Variants in POLE observed in about 807,000 individuals in gnomAD.
POLE encodes DNA polymerase epsilon, catalytic subunit, also known as DNA polymerase epsilon catalytic subunit A.
Under a neutral mutation model 279.2 loss-of-function variants are expected in POLE, and 188 were observed. That is an observed-to-expected ratio of 0.67 (90% confidence interval 0.60 to 0.76). The LOEUF (loss-of-function observed/expected upper bound fraction) is 0.76, where lower values mean the gene tolerates loss of function less well. Among genes scored for constraint, POLE ranks in the 30% least tolerant of loss-of-function variants. POLE has a pLI of 0.00. For synonymous variants in POLE, 1,214 were observed against 1,172.5 expected (o/e 1.04, Z -0.72); for missense variants, 2,703 against 3,016.7 (o/e 0.90, Z 2.44).
chr12:132,673,343 C>T (rs1254017854), intron 13 of POLE, 66 bp from the exon 14 acceptor site: 16 of 1,279,842 alleles, frequency 1.3e-5, no homozygotes, highest in Admixed American at 1.7e-5. Flanking sequence ...GTGTGAAGCA[C>T]AGAAAGCAAA....
At position 132,635,909 on chromosome 12, in the gene POLE, G is replaced by A. The variant is rs879254168; in HGVS notation, c.5794C>T (p.Arg1932Cys). Residue 1932 changes from arginine (R) to cysteine (C), a missense_variant, in exon 42 of 49, where the codon CGT (arginine) becomes TGT (cysteine). Physicochemically the swap from Arg to Cys is radical, Grantham distance 180 (BLOSUM62 -3). This residue lies in a region of POLE where 1,551 missense variants were observed against 1,686.1 expected (regional missense o/e 0.92). Coordinates refer to ENST00000320574, the MANE Select transcript of POLE (RefSeq NM_006231.4). Reference sequence around the variant, plus strand: ...TCGCTTACCAGTCCACAGTGAATACGAGATGAAACTTTTCCTTTGATTCCG... The same window carrying A: ...TCGCTTACCAGTCCACAGTGAATACAAGATGAAACTTTTCCTTTGATTCCG... ...YGGIKGKVSS[R>C]IHCGLQDSQK... 16 of 1,613,508 alleles carry A rather than the reference G, an allele frequency of 9.9e-6. No individual in the cohort carries two copies. Among genetic ancestry groups the A allele is most frequent in the Non-Finnish European group, 1.4e-5 (16 of 1,179,716 alleles).
chr12:132,686,976 G>A lies in POLE; in HGVS notation c.62+278C>T, dbSNP rs532938854. On this transcript the variant is annotated intron_variant, in intron 1 of 48. Transcript: ENST00000320574. ...CGGCAGGTCCCAAACGCAGCTGCGC[G>A]GAAGGCGAGGCCCGAAAAACCTCAG... Among the ~76,000 whole-genome samples the A allele has an allele frequency of 7.6e-3, 1,145 of 151,450 alleles. 13 individuals are homozygous for A. The highest frequency in any genetic ancestry group is 0.026 in the African/African-American group (1,091 of 41,360).
chr12:132,632,387 C>T lies in POLE; in HGVS notation c.6258G>A (p.Met2086Ile), dbSNP rs1565926679. The T allele has an allele frequency of 6.2e-7, 1 of 1,614,122 alleles. No homozygotes were observed. The highest frequency in any genetic ancestry group is 8.5e-7 in the Non-Finnish European group (1 of 1,179,962). ...AGTGGGAACCGGGGAGGACAGGAAA[C>T]ATCTCTGAGAGCTCAGTGGAGTTCC... ...GSRNSTELSE[M>I]FPVLPGSHLL... The change falls in exon 45 of 49, where the codon ATG becomes ATA. Residue 2086 changes from methionine to isoleucine, a missense_variant. By Grantham distance (10) the Met-to-Ile change is conservative. This residue lies in a region of POLE where 1,551 missense variants were observed against 1,686.1 expected (regional missense o/e 0.92). Transcript: ENST00000320574.
chr12:132,672,291 C>T lies in POLE; in HGVS notation c.1718G>A (p.Arg573Gln), dbSNP rs1054837169. The change falls in exon 16 of 49, where the codon CGG becomes CAG. Residue 573 changes from arginine to glutamine, a missense_variant. Around this residue, in one of 5 missense-constraint regions of POLE, gnomAD observed 1,011 missense variants for 1,111.7 expected, o/e 0.91. Coordinates refer to ENST00000320574, the MANE Select transcript of POLE (RefSeq NM_006231.4). ...GGCGTGGCGCAAGGTCTTCTCAACC[C>T]GCTGCAGCAGGAAGTCAAAGGCGGC... Reference protein sequence around the residue: ...NPAAFDFLLQRVEKTLRHALE... With the variant: ...NPAAFDFLLQQVEKTLRHALE... The T allele has an allele frequency of 1.9e-6, 3 of 1,614,158 alleles. No individual in the cohort carries two copies. The highest frequency in any genetic ancestry group is 1.7e-4 in the Middle Eastern group (1 of 6,060).
At chr12:132,625,136 A>G in intron 47 of POLE, 142 bp from the exon 48 acceptor site, 1 of 694,566 alleles carries the variant, frequency 1.4e-6, no homozygotes, top group Admixed American at 2.1e-5. Context: ...GCCCTCGGTT[A>G]TGAGTAAAAT....
In POLE at chr12:132,657,502, G is replaced by GC. The variant is rs1346016338; in HGVS notation, c.3379-74dup. ...AAGAGTGGGGCTCACTTCATGCTGA[G>GC]CACAGGGCTAACCACTGTGTCTTAT... On this transcript the variant is annotated intron_variant, in intron 27 of 48. Transcript: ENST00000320574. 4.0e-6 allele frequency: 5 copies of GC among 1,237,280 alleles called. No homozygotes were observed. The African/African-American group carries it at 7.4e-5, about 18-fold the overall frequency. The allele number at this position is 1,237,280 out of a possible 1,614,324, so 76.6% of individuals were successfully genotyped here. A position where few individuals can be genotyped will look rare whatever the true frequency, so the allele number is the denominator to read the frequency against.
At chr12:132,685,774 G>A (rs2043245568) in intron 1 of POLE, among the ~76,000 whole-genome samples, 1 of 152,202 alleles carries the variant, frequency 6.6e-6, no homozygotes, top group Non-Finnish European at 1.5e-5. Flanking sequence ...ACAGCGATGA[G>A]CACAACAGCA....
At position 132,634,355 on chromosome 12, in the gene POLE, T is replaced by C. The variant is rs2041994545; in HGVS notation, c.5835A>G (p.Gly1945=). The change falls in exon 43 of 49, where the codon GGA becomes GGG. Residue 1945 remains glycine (G), a synonymous_variant. Transcript: ENST00000320574. This position sits in a 1 kb window ranked among gnomAD's most constrained non-coding sequence, Gnocchi z 4.0. ...CGLQDSQKAG[G]AEDEQENEDD... ...CCTCATTTTCCTGCTCATCCTCTGC[T>C]CCCCCTGCTTTCTGGGAGTCTTGCT... 1.2e-6 allele frequency: 2 copies of C among 1,613,394 alleles called. No individual in the cohort carries two copies. The highest frequency in any genetic ancestry group is 2.2e-5 in the South Asian group (2 of 91,002).
At chr12:132,636,400 C>T (rs142061540) in intron 41 of POLE, among the ~76,000 whole-genome samples, 2 of 148,466 alleles carry the variant, frequency 1.3e-5, no homozygotes, top group East Asian at 3.9e-4. Flanking sequence ...TTAAGCCTCC[C>T]TAGCGCTGAC....
chr12:132,657,325 C>A, intron 28 of POLE, 24 bp downstream of exon 28: 12 of 1,614,084 alleles, frequency 7.4e-6, no homozygotes, highest in Non-Finnish European at 9.3e-6. Context: ...GCCCCACAGC[C>A]CGTGCCACTG....
At chr12:132,674,325 C>G (rs1204581860) in intron 12 of POLE, among the ~76,000 whole-genome samples, 1 of 152,060 alleles carries the variant, frequency 6.6e-6, no homozygotes, top group Non-Finnish European at 1.5e-5. Context: ...TGGCCTTCTT[C>G]TCTCACTTTA....
At chr12:132,659,614 C>T in intron 25 of POLE, 105 bp from the exon 26 acceptor site, 2 of 850,336 alleles carry the variant, frequency 2.4e-6, no homozygotes, top group Non-Finnish European at 3.7e-6. Context: ...GCCTGAGACG[C>T]AGAAGGCTGC....
chr12:132,641,631 C>A lies in POLE; in HGVS notation c.5378+16G>T, dbSNP rs927605562. On this transcript the variant is annotated intron_variant, in intron 39 of 48. Coordinates refer to ENST00000320574, the MANE Select transcript of POLE (RefSeq NM_006231.4). Reference sequence around the variant, plus strand: ...ACCCTTCTATTAGTAACACTCCTTCCCAGAGAGGGTGGCACCTGAAGGTGT... The same window carrying A: ...ACCCTTCTATTAGTAACACTCCTTCACAGAGAGGGTGGCACCTGAAGGTGT... 6.2e-7 allele frequency: 1 copy of A among 1,608,218 alleles called. No individual in the cohort carries two copies. The highest frequency in any genetic ancestry group is 8.5e-7 in the Non-Finnish European group (1 of 1,174,978).
At chr12:132,652,044 T>A (rs2042433288) in intron 29 of POLE, among the ~76,000 whole-genome samples, 2 of 152,238 alleles carry the variant, frequency 1.3e-5, no homozygotes, top group Admixed American at 6.5e-5. Context: ...CATGGTGACT[T>A]CTGTGCTACA....
chr12:132,648,898 G>A lies in POLE; in HGVS notation c.4149+31C>T, dbSNP rs1407745575. 4 of 1,591,436 alleles carry A rather than the reference G, an allele frequency of 2.5e-6. No homozygotes were observed. In the Admixed American group the frequency reaches 6.8e-5, roughly 27 times the overall value. On this transcript the variant is annotated intron_variant, in intron 32 of 48. Transcript: ENST00000320574. ...GAAAGCCACCTCAGGCTGCCCAGAT[G>A]ACTGCAGAGGCAGCACCAGCTCCTC... is the stretch of plus-strand genomic sequence containing the variant.
chr12:132,681,206 A>T lies in POLE; in HGVS notation c.136T>A (p.Leu46Met). 2 of 1,614,082 alleles carry T rather than the reference A, an allele frequency of 1.2e-6. No individual in the cohort carries two copies. Among genetic ancestry groups the T allele is most frequent in the African/African-American group, 2.7e-5 (2 of 74,988 alleles). ...TTCAGCCGCTCAAAACCAAACCGCA[A>T]ATCCATCTTATCCGTCCACTGACTC... ...ERSQWTDKMD[L>M]RFGFERLKEP... The change falls in exon 2 of 49, where the codon TTG becomes ATG. Residue 46 changes from leucine to methionine, a missense_variant. Physicochemically the swap from Leu to Met is conservative, Grantham distance 15 (BLOSUM62 2). Transcript: ENST00000320574.
Position 132,664,502 on chromosome 12 carries a change from G to T in POLE, c.2469-40C>A, listed in dbSNP as rs539421329. 9.5e-6 allele frequency: 14 copies of T among 1,474,536 alleles called. No individual in the cohort carries two copies. In the African/African-American group the frequency reaches 9.7e-5, roughly 10 times the overall value. The allele number at this position is 1,474,536 out of a possible 1,614,324, so 91.3% of individuals were successfully genotyped here. A position where few individuals can be genotyped will look rare whatever the true frequency, so the allele number is the denominator to read the frequency against. ...CAAACTGGTGGGTGGGGCTGGCATG[G>T]CTCCTCCAGGGGGTATCAGAGGCAG... On this transcript the variant is annotated intron_variant, in intron 21 of 48. Coordinates refer to ENST00000320574, the MANE Select transcript of POLE (RefSeq NM_006231.4). This position sits in a 1 kb window ranked among gnomAD's most constrained non-coding sequence, Gnocchi z 5.3.
intron 14 of POLE, 132 bp downstream of exon 14, chr12:132,673,032 C>T: frequency 3.9e-6 from 3 of 768,882 alleles, no homozygotes; most frequent in South Asian, 1.6e-5. Flanking sequence ...TCCCTGACGT[C>T]ACACACCAGA....
At chr12:132,630,406 A>C (rs1276934239) in intron 45 of POLE, among the ~76,000 whole-genome samples, 1 of 152,192 alleles carries the variant, frequency 6.6e-6, no homozygotes. Context: ...GATAAAACCT[A>C]AAACTTCACC....
Sources: allele counts gnomAD v4.1 joint callset (sites outside exome capture counted in the v4.1 genomes callset), GRCh38; gene constraint gnomAD v4.1.1; regional missense constraint gnomAD v4.1.1; non-coding constraint Gnocchi (gnomAD v3.1); transcripts MANE v1.5; gene names NCBI Gene and HGNC (gene_info 2026-07-23, HGNC 2026-07-21).